POU6F2: variants seen among roughly 807,000 people sequenced by gnomAD.
The protein encoded by POU6F2 is POU domain, class 6, transcription factor 2.
A neutral mutation model predicts 71.3 loss-of-function variants in POU6F2; 31 were observed. That is an observed-to-expected ratio of 0.43 (90% CI 0.33 to 0.59). The LOEUF is 0.59. Ranked by LOEUF, POU6F2 falls within the 20% of genes least tolerant of loss-of-function variation. The pLI, the probability that POU6F2 is intolerant of heterozygous loss-of-function variation, is 0.04. For synonymous variants in POU6F2, 347 were observed against 355.7 expected (o/e 0.98, Z 0.27); for missense variants, 783 against 856.8 (o/e 0.91, Z 1.07).
At chr7:39,131,240 G>A (rs751447181) in intron 2 of POU6F2, among the ~76,000 whole-genome samples, 12 of 152,186 alleles carry the variant, frequency 7.9e-5, no homozygotes, top group Non-Finnish European at 1.5e-4. Flanking sequence ...GGAATGGCCT[G>A]GTAATTACTC....
chr7:39,206,219 C>G (rs1367732699), intron 3 of POU6F2, among the ~76,000 whole-genome samples: 1 of 152,158 alleles, frequency 6.6e-6, no homozygotes, highest in East Asian at 1.9e-4. Context: ...CACAAGGCTG[C>G]AATGAAAGTC....
intron 6 of POU6F2, among the ~76,000 whole-genome samples, chr7:39,432,740 CT>C (rs1225037878): frequency 3.3e-5 from 5 of 152,166 alleles, no homozygotes; most frequent in African/African-American, 9.7e-5. Flanking sequence ...GCCTTGAGTG[CT>C]GTGAGAAGCC....
At chr7:39,430,822 C>T (rs1210050232) in intron 6 of POU6F2, among the ~76,000 whole-genome samples, 1 of 152,144 alleles carries the variant, frequency 6.6e-6, no homozygotes, top group African/African-American at 2.4e-5. Context: ...GCTTTCAGCT[C>T]AGGCTGATAG....
At chr7:39,297,686 G>A (rs1053834047) in intron 4 of POU6F2, among the ~76,000 whole-genome samples, 3 of 151,224 alleles carry the variant, frequency 2.0e-5, no homozygotes, top group Non-Finnish European at 4.4e-5. Flanking sequence ...TATGGGATGG[G>A]ATTCAGTGTA....
intron 1 of POU6F2, among the ~76,000 whole-genome samples, chr7:39,079,727 A>G (rs1791076801): frequency 6.6e-6 from 1 of 152,174 alleles, no homozygotes; most frequent in South Asian, 2.1e-4. Context: ...CTAACTGCAA[A>G]ATGGAGAGAC....
chr7:39,174,528 T>C (rs933907874), intron 2 of POU6F2, among the ~76,000 whole-genome samples: 2 of 152,186 alleles, frequency 1.3e-5, no homozygotes, highest in Non-Finnish European at 2.9e-5. Context: ...TGCAAACTTA[T>C]CTGCAGTCAC....
chr7:39,211,564 A>C (rs1486854289), intron 4 of POU6F2, among the ~76,000 whole-genome samples: 1 of 152,150 alleles, frequency 6.6e-6, no homozygotes, highest in African/African-American at 2.4e-5. Flanking sequence ...GAATTATTTT[A>C]TCTTTCTCTC....
rs748734324 is a variant in POU6F2, at chr7:39,038,891, C to T, written c.106-46969C>T. The stretch of plus-strand genomic sequence containing the variant: ...TTCTTACCCCAGTATCTCCTTCTGT[C>T]GACAGGGAATATTAGGTCACCACAG... On this transcript the variant is annotated intron_variant, in intron 1 of 9. Transcript: ENST00000518318. Among the ~76,000 whole-genome samples, 9 of 151,786 alleles carry T rather than the reference C, an allele frequency of 5.9e-5. No homozygotes were observed. The Middle Eastern group carries it at 0.01, about 172-fold the overall frequency.
At chr7:39,085,108 T>A (rs1791209854) in intron 1 of POU6F2, 1 of 152,162 alleles carries the variant, frequency 6.6e-6, no homozygotes, top group South Asian at 2.1e-4. Flanking sequence ...GCTCTAGGTA[T>A]CCGAATTATT....
intron 4 of POU6F2, among the ~76,000 whole-genome samples, chr7:39,235,758 C>T (rs796219724): frequency 6.6e-6 from 1 of 152,138 alleles, no homozygotes; most frequent in African/African-American, 2.4e-5. Flanking sequence ...CACTTTCCAC[C>T]GTCACCAGAA....
intron 4 of POU6F2, among the ~76,000 whole-genome samples, chr7:39,270,452 T>G (rs1445951301): frequency 9.2e-5 from 14 of 152,222 alleles, no homozygotes; most frequent in Admixed American, 4.6e-4. Context: ...AGATCATGCT[T>G]TTAACACATG....
At chr7:39,006,877 T>C in intron 1 of POU6F2, 1 of 1,613,124 alleles carries the variant, frequency 6.2e-7, no homozygotes, top group Non-Finnish European at 8.5e-7. Flanking sequence ...GGTATTTTGT[T>C]GATTTTTCAG....
chr7:39,449,297 G>A (rs1788600040), intron 7 of POU6F2, among the ~76,000 whole-genome samples: 2 of 152,144 alleles, frequency 1.3e-5, no homozygotes, highest in Admixed American at 6.5e-5. Context: ...TGTGAGTAGG[G>A]GAGCCATTAT....
intron 2 of POU6F2, among the ~76,000 whole-genome samples, chr7:39,094,000 G>A (rs2128722332): frequency 6.6e-6 from 1 of 152,010 alleles, no homozygotes; most frequent in South Asian, 2.1e-4. Flanking sequence ...ATAATAATAA[G>A]CTTTCTTTTA....
chr7:39,403,334 A>G (rs966911051), intron 5 of POU6F2, among the ~76,000 whole-genome samples: 5 of 152,252 alleles, frequency 3.3e-5, no homozygotes, highest in East Asian at 1.9e-4. Context: ...TGTATACAAC[A>G]TAAGAACTCT....
chr7:39,450,422 A>T (rs771280774), intron 7 of POU6F2, among the ~76,000 whole-genome samples: 5 of 152,078 alleles, frequency 3.3e-5, no homozygotes, highest in Non-Finnish European at 7.4e-5. Flanking sequence ...CTCCTTGTCT[A>T]CCTGCTTGGT....
At chr7:39,397,972 C>T (rs1434750769) in intron 5 of POU6F2, among the ~76,000 whole-genome samples, 2 of 151,808 alleles carry the variant, frequency 1.3e-5, no homozygotes, top group Non-Finnish European at 2.9e-5. Context: ...GCATGTGCCA[C>T]CATGCCCAGC....
chr7:39,367,336 C>G (rs914297738), intron 5 of POU6F2, among the ~76,000 whole-genome samples: 14 of 152,084 alleles, frequency 9.2e-5, no homozygotes, highest in African/African-American at 3.4e-4. Flanking sequence ...AAAATAAACA[C>G]AATTTTAAAA....
At chr7:39,207,179 A>G (rs943176746) in intron 3 of POU6F2, among the ~76,000 whole-genome samples, 3 of 152,238 alleles carry the variant, frequency 2.0e-5, no homozygotes, top group Non-Finnish European at 4.4e-5. Flanking sequence ...TCCTCACAAG[A>G]AGTCCAAACC....
Sources: gnomAD v4.1 joint callset for allele counts (sites outside exome capture counted in the v4.1 genomes callset) on GRCh38, gnomAD v4.1.1 for gene constraint, MANE v1.5 for transcripts, NCBI Gene and HGNC (gene_info 2026-07-23, HGNC 2026-07-21) for gene names.